The following MAGI3 variants were observed in gnomAD, a reference collection of about 807,000 sequenced individuals.
MAGI3 encodes the protein membrane-associated guanylate kinase, WW and PDZ domain-containing protein 3.
In MAGI3, 43 loss-of-function variants were observed where a neutral mutation model predicts 121.8. The ratio of observed to expected loss-of-function variants is 0.35; its 90% CI spans 0.28 to 0.46. The LOEUF is 0.46. Among genes scored for constraint, MAGI3 ranks in the 20% least tolerant of loss-of-function variants. MAGI3 has a pLI of 1.00. For synonymous variants in MAGI3, 553 were observed against 639.3 expected (o/e 0.86, Z 2.04); for missense variants, 1,547 against 1,797.3 (o/e 0.86, Z 2.52).
At chr1:113,574,786 A>C (rs1647519951) in intron 2 of MAGI3, among the ~76,000 whole-genome samples, 1 of 152,170 alleles carries the variant, frequency 6.6e-6, no homozygotes, top group Non-Finnish European at 1.5e-5. Context: ...TGTGTTTTCC[A>C]ACTTGGTCCC....
rs749731046 is a variant in MAGI3 at position 113,673,301 on chromosome 1, C to G, written c.3046-21C>G. The stretch of plus-strand genomic sequence containing the variant: ...AAACAGTCCATGAGAACTTGCTTTT[C>G]TTATACTTCTTTCTCTCTAGAACCT... On this transcript the variant is annotated intron_variant, in intron 18 of 20. Coordinates refer to ENST00000307546, the MANE Select transcript of MAGI3 (RefSeq NM_001142782.2). 3.1e-6 allele frequency: 5 copies of G among 1,604,866 alleles called. No homozygotes were observed. The Admixed American group carries it at 7.0e-5, about 23-fold the overall frequency.
chr1:113,636,823 T>A (rs891867606), intron 9 of MAGI3, among the ~76,000 whole-genome samples: 19 of 151,954 alleles, frequency 1.3e-4, no homozygotes, highest in Admixed American at 9.8e-4. Flanking sequence ...ATGTTGACAG[T>A]GGGGTGTTAA....
chr1:113,633,726 T>A (rs1651815552), intron 9 of MAGI3, among the ~76,000 whole-genome samples: 1 of 152,202 alleles, frequency 6.6e-6, no homozygotes, highest in Non-Finnish European at 1.5e-5. Context: ...AGCAGCATGA[T>A]CTATAGTCCT....
chr1:113,448,941 A>G (rs942975512), intron 1 of MAGI3, among the ~76,000 whole-genome samples: 8 of 152,238 alleles, frequency 5.3e-5, no homozygotes, highest in Admixed American at 2.0e-4. Flanking sequence ...CAACATAGAG[A>G]AACCCCATCT....
chr1:113,513,630 G>A (rs369496803), intron 1 of MAGI3, among the ~76,000 whole-genome samples: 3 of 152,218 alleles, frequency 2.0e-5, no homozygotes, highest in African/African-American at 7.2e-5. Context: ...ATTAATTCAA[G>A]ATGGATTAAA....
In MAGI3 at chr1:113,653,779, C is replaced by T. The variant is rs1279027556; in HGVS notation, c.2441-51C>T. 5.6e-6 allele frequency: 8 copies of T among 1,435,424 alleles called. No homozygotes were observed. In the Admixed American group the frequency reaches 1.2e-4, roughly 22 times the overall value. 88.9% of individuals were successfully genotyped at this position (1,435,424 alleles called of 1,614,324 possible). On this transcript the variant is annotated intron_variant, in intron 14 of 20. Coordinates refer to ENST00000307546, the MANE Select transcript of MAGI3 (RefSeq NM_001142782.2). Reference sequence around the variant, plus strand: ...GCTTAGCATAAAAACACTTTAGTCACCAGAAATTATGATGTTCCAGACATA... The same window carrying T: ...GCTTAGCATAAAAACACTTTAGTCATCAGAAATTATGATGTTCCAGACATA...
Position 113,391,230 on chromosome 1 carries a change from G to A in MAGI3, c.197G>A (p.Ser66Asn). 1 of 1,563,198 alleles carries A rather than the reference G, an allele frequency of 6.4e-7. No individual in the cohort carries two copies. Among genetic ancestry groups the A allele is most frequent in the Admixed American group, 1.9e-5 (1 of 52,638 alleles). ...TCCVVSGKAP[S>N]PGDVLLEVNG... ...TGCGTCGTCTCGGGCAAGGCGCCCA[G>A]CCCAGGCGATGTGCTGCTGGAGGTA... is the stretch of plus-strand genomic sequence containing the variant. The change falls in exon 1 of 21, where the codon AGC becomes AAC. Residue 66 changes from serine (S) to asparagine (N), a missense_variant. Ser to Asn is a conservative substitution (Grantham distance 46). Coordinates refer to ENST00000307546, the MANE Select transcript of MAGI3 (RefSeq NM_001142782.2). The surrounding 1 kb of genome is among the most constrained non-coding windows in gnomAD (Gnocchi z 4.4).
At chr1:113,567,145 C>A (rs567258458) in intron 2 of MAGI3, among the ~76,000 whole-genome samples, 12 of 151,614 alleles carry the variant, frequency 7.9e-5, no homozygotes, top group South Asian at 2.1e-4. Context: ...ATAAAGACTG[C>A]TGTAGTGAAA....
intron 1 of MAGI3, among the ~76,000 whole-genome samples, chr1:113,456,257 G>A (rs1029621598): frequency 4.6e-5 from 7 of 150,836 alleles, no homozygotes; most frequent in African/African-American, 7.3e-5. Flanking sequence ...GAGCCACCAC[G>A]CCCGGCCCCA....
At chr1:113,474,277 A>G (rs2101546691) in intron 1 of MAGI3, among the ~76,000 whole-genome samples, 1 of 151,948 alleles carries the variant, frequency 6.6e-6, no homozygotes, top group South Asian at 2.1e-4. Flanking sequence ...ATTAGATCCC[A>G]TTTGTCTATT....
At chr1:113,682,524 A>G in intron 20 of MAGI3, 1 of 1,276,072 alleles carries the variant, frequency 7.8e-7, no homozygotes. Context: ...GCCATATCCT[A>G]AACTGTATCA....
Position 113,683,371 on chromosome 1 carries a change from T to G in MAGI3, c.3803T>G (p.Val1268Gly), listed in dbSNP as rs1303115514. ...AAAGGGGAAAATAAAAGTTGTCAGG[T>G]CAGCACCAGGGCAGGCTCTGGACAA... Reference protein sequence around the residue: ...PSKGENKSCQVSTRAGSGQDQ... With the variant: ...PSKGENKSCQGSTRAGSGQDQ... Residue 1268 changes from valine to glycine, a missense_variant, in exon 21 of 21, where the codon GTC (valine) becomes GGC (glycine). By Grantham distance (109) the Val-to-Gly change is moderately radical. Coordinates refer to ENST00000307546, the MANE Select transcript of MAGI3 (RefSeq NM_001142782.2). The G allele has an allele frequency of 2.5e-6, 4 of 1,613,618 alleles. No homozygotes were observed. In the East Asian group the frequency reaches 8.9e-5, roughly 36 times the overall value.
chr1:113,620,867 A>G (rs540867857), intron 8 of MAGI3, among the ~76,000 whole-genome samples: 3 of 152,360 alleles, frequency 2.0e-5, no homozygotes, highest in Non-Finnish European at 2.9e-5. Flanking sequence ...TAAAGTAGGA[A>G]TAATAATGGT....
chr1:113,647,567 C>A (rs1483968895), intron 12 of MAGI3, among the ~76,000 whole-genome samples: 1 of 152,110 alleles, frequency 6.6e-6, no homozygotes, highest in East Asian at 1.9e-4. Flanking sequence ...AATGATAAAT[C>A]TTTTCCAAAG....
intron 16 of MAGI3, among the ~76,000 whole-genome samples, chr1:113,660,435 T>C (rs1197745826): frequency 5.3e-5 from 8 of 152,010 alleles, no homozygotes; most frequent in African/African-American, 1.9e-4. Flanking sequence ...CCACACCCTC[T>C]CTAAGCTGGG....
At chr1:113,583,284 A>G (rs988246893) in intron 3 of MAGI3, among the ~76,000 whole-genome samples, 15 of 151,840 alleles carry the variant, frequency 9.9e-5, no homozygotes, top group Admixed American at 3.9e-4. Flanking sequence ...TCCTAATGCT[A>G]TCCCTCCCCC....
rs1026174440 is a variant in MAGI3, at chr1:113,391,635, C to T, written c.316+286C>T. ...CTACATTTGTAGCTCCATCTCCCCC[C>T]GCAGACAAGAGTTTTTGACTAGAGA... is the stretch of plus-strand genomic sequence containing the variant. On this transcript the variant is annotated intron_variant, in intron 1 of 20. Coordinates refer to ENST00000307546, the MANE Select transcript of MAGI3 (RefSeq NM_001142782.2). This position sits in a 1 kb window ranked among gnomAD's most constrained non-coding sequence, Gnocchi z 4.4. Among the ~76,000 whole-genome samples the T allele has an allele frequency of 6.6e-6, 1 of 152,156 alleles. No homozygotes were observed. Among genetic ancestry groups the T allele is most frequent in the African/African-American group, 2.4e-5 (1 of 41,434 alleles).
intron 9 of MAGI3, among the ~76,000 whole-genome samples, chr1:113,637,849 C>T (rs978948122): frequency 6.6e-6 from 1 of 152,196 alleles, no homozygotes; most frequent in African/African-American, 2.4e-5. Context: ...CCATTCTCCC[C>T]ATCACTTTCA....
chr1:113,484,089 A>G (rs1463204776), intron 1 of MAGI3, among the ~76,000 whole-genome samples: 1 of 152,214 alleles, frequency 6.6e-6, no homozygotes, highest in African/African-American at 2.4e-5. Flanking sequence ...ATGATTCTAA[A>G]AGGGCATAAT....
Sources: allele counts gnomAD v4.1 joint callset (sites outside exome capture counted in the v4.1 genomes callset), GRCh38; gene constraint gnomAD v4.1.1; non-coding constraint Gnocchi (gnomAD v3.1); transcripts MANE v1.5; gene names NCBI Gene and HGNC (gene_info 2026-07-23, HGNC 2026-07-21).